Variants in ABCC1 observed in about 807,000 individuals in gnomAD.
ABCC1 encodes multidrug resistance-associated protein 1.
ABCC1 carries 83 observed loss-of-function variants against 172.9 expected under a neutral mutation model. The observed-to-expected ratio is 0.48, with a 90% CI of 0.40 to 0.58. The LOEUF (loss-of-function observed/expected upper bound fraction) is 0.58. ABCC1 is among the 20% of genes least tolerant of loss of function. The pLI is 0.00. For missense variants in ABCC1, 1,817 were observed against 2,002.7 expected (o/e 0.91, Z 1.77); for synonymous variants, 937 against 825.2 (o/e 1.14, Z -2.32).
At chr16:16,136,370 T>G in intron 28 of ABCC1, 108 bp from the exon 29 acceptor site, 1 of 1,241,086 alleles carries the variant, frequency 8.1e-7, no homozygotes, top group Non-Finnish European at 1.1e-6. Context: ...TCCAAGGAGC[T>G]CTGATACCCC....
intron 1 of ABCC1, among the ~76,000 whole-genome samples, chr16:16,000,956 G>A (rs2047286934): frequency 2.0e-5 from 3 of 152,204 alleles, no homozygotes; most frequent in Non-Finnish European, 2.9e-5. Flanking sequence ...CTAGCAAGAG[G>A]TGACTGAAGA....
chr16:15,950,076 A>T (rs1264863738), intron 1 of ABCC1, among the ~76,000 whole-genome samples: 1 of 151,280 alleles, frequency 6.6e-6, no homozygotes, highest in Non-Finnish European at 1.5e-5. Context: ...CGCCGTGAGG[A>T]GGCCTTCCTG....
chr16:16,024,297 C>CAGGG (rs59332154), intron 5 of ABCC1, among the ~76,000 whole-genome samples: 129,471 of 151,678 alleles, frequency 0.85, 55,674 homozygotes, highest in Non-Finnish European at 0.9. Context: ...AGGCAAGAGT[C>CAGGG]AGCATCAGAG....
chr16:15,997,436 A>G (rs2047096057), intron 1 of ABCC1, among the ~76,000 whole-genome samples: 1 of 152,094 alleles, frequency 6.6e-6, no homozygotes, highest in East Asian at 1.9e-4. Flanking sequence ...AGGTTCCCCA[A>G]AGGGCAGGCC....
chr16:15,962,599 G>A (rs1244593069), intron 1 of ABCC1, among the ~76,000 whole-genome samples: 1 of 152,158 alleles, frequency 6.6e-6, no homozygotes, highest in Admixed American at 6.6e-5. Context: ...AAATGATGGT[G>A]GAAAGGAAAG....
At chr16:16,106,095 T>A (rs2152071310) in intron 20 of ABCC1, among the ~76,000 whole-genome samples, 1 of 152,174 alleles carries the variant, frequency 6.6e-6, no homozygotes, top group Admixed American at 6.5e-5. Context: ...CAGGCTAGTC[T>A]TGAACTCCTG....
chr16:16,045,793 C>T (rs369756453), intron 8 of ABCC1, 43 bp from the exon 9 acceptor site: 9 of 1,595,644 alleles, frequency 5.6e-6, no homozygotes, highest in Non-Finnish European at 6.0e-6. Flanking sequence ...CCTGCCCCCA[C>T]GTGTCACAAG....
At chr16:15,960,737 G>A (rs1345795927) in intron 1 of ABCC1, among the ~76,000 whole-genome samples, 4 of 152,128 alleles carry the variant, frequency 2.6e-5, no homozygotes, top group Non-Finnish European at 4.4e-5. Context: ...GTCCCAGAGT[G>A]GGAAGAGAAT....
Position 16,086,672 on chromosome 16 carries a change from T to G in ABCC1, c.2293-152T>G, listed in dbSNP as rs561448333. 9.6e-5 allele frequency: 73 copies of G among 756,718 alleles called. 2 individuals are homozygous for G. The South Asian group carries it at 1.3e-3, about 14-fold the overall frequency. The allele number at this position is 756,718 out of a possible 1,614,324, so 46.9% of individuals were successfully genotyped here. A position where few individuals can be genotyped will look rare whatever the true frequency, so the allele number is the denominator to read the frequency against. On this transcript the variant is annotated intron_variant, in intron 17 of 30. Coordinates refer to ENST00000399410, the MANE Select transcript of ABCC1 (RefSeq NM_004996.4). ...TTTGTAGAGACAGGGTCTCCCTATA[T>G]TGCTCAGGCTGGTCTCAAACCCCTG... is the stretch of plus-strand genomic sequence containing the variant.
At chr16:16,073,036 A>G (rs2151963568) in intron 14 of ABCC1, among the ~76,000 whole-genome samples, 1 of 17,946 alleles carries the variant, frequency 5.6e-5, no homozygotes, top group Non-Finnish European at 1.2e-4. Context: ...GTGAGACTTC[A>G]TCTCAAAAAA....
Position 16,044,675 on chromosome 16 carries a change from C to T in ABCC1, c.1035C>T (p.Ile345=). 1 of 1,613,974 alleles carries T rather than the reference C, an allele frequency of 6.2e-7. No individual in the cohort carries two copies. Among genetic ancestry groups the T allele is most frequent in the Non-Finnish European group, 8.5e-7 (1 of 1,179,824 alleles). Residue 345 remains isoleucine, a synonymous_variant, in exon 8 of 31, where the codon ATC becomes ATT. Coordinates refer to ENST00000399410, the MANE Select transcript of ABCC1 (RefSeq NM_004996.4). The part of the protein sequence containing the change: ...HDLMMFSGPQ[I]LKLLIKFVND... ...TGATGATGTTTTCCGGGCCGCAGAT[C>T]TTAAAGTAAGACCCCTTCCCTCCCA...
chr16:16,132,405 C>T (rs754552581), intron 27 of ABCC1, among the ~76,000 whole-genome samples: 3 of 151,222 alleles, frequency 2.0e-5, no homozygotes, highest in Non-Finnish European at 2.9e-5. Flanking sequence ...AACTCTTGAG[C>T]TCAACCGGTC....
At chr16:16,102,934 C>T (rs45585942) in intron 20 of ABCC1, among the ~76,000 whole-genome samples, 3,781 of 152,280 alleles carry the variant, frequency 0.025, 173 homozygotes, top group African/African-American at 0.087. Context: ...TCACACAGGC[C>T]TCATGATTTA....
rs561702719 is a variant in ABCC1, at chr16:15,954,852, A to G, written c.48+5053A>G. Among the ~76,000 whole-genome samples the G allele has an allele frequency of 2.0e-5, 3 of 152,248 alleles. No homozygotes were observed. The South Asian group carries it at 6.2e-4, about 32-fold the overall frequency. On this transcript the variant is annotated intron_variant, in intron 1 of 30. Coordinates refer to ENST00000399410, the MANE Select transcript of ABCC1 (RefSeq NM_004996.4). Reference sequence around the variant, plus strand: ...ACAACTTTTAGGAACTGATCTCTCTATGTGGGTGTCTCCCACTGACCATGT... The same window carrying G: ...ACAACTTTTAGGAACTGATCTCTCTGTGTGGGTGTCTCCCACTGACCATGT...
Position 16,106,735 on chromosome 16 carries a change from C to T in ABCC1, c.2736-3C>T. The T allele has an allele frequency of 6.2e-7, 1 of 1,613,972 alleles. No homozygotes were observed. Among genetic ancestry groups the T allele is most frequent in the Non-Finnish European group, 8.5e-7 (1 of 1,180,034 alleles). On this transcript the variant is annotated splice_polypyrimidine_tract_variant and splice_region_variant and intron_variant, in intron 20 of 30. Coordinates refer to ENST00000399410, the MANE Select transcript of ABCC1 (RefSeq NM_004996.4). The stretch of plus-strand genomic sequence containing the variant: ...TTGACACCCTTGTGCTTTGCTTCTC[C>T]AGACAGCTCAGCAGCTCCTCCTCCT...
intron 28 of ABCC1, among the ~76,000 whole-genome samples, chr16:16,135,202 A>T (rs928549240): frequency 6.6e-6 from 1 of 152,176 alleles, no homozygotes; most frequent in African/African-American, 2.4e-5. Context: ...GTGCACCTGC[A>T]GGCTTGTTAC....
intron 1 of ABCC1, among the ~76,000 whole-genome samples, chr16:15,983,283 GGGTC>G (rs1049466985): frequency 6.6e-6 from 1 of 152,134 alleles, no homozygotes; most frequent in African/African-American, 2.4e-5. Context: ...AGTCATGAAG[GGGTC>G]CCTGGAACAG....
At chr16:16,025,410 G>A (rs911676734) in intron 5 of ABCC1, among the ~76,000 whole-genome samples, 4 of 152,144 alleles carry the variant, frequency 2.6e-5, no homozygotes, top group African/African-American at 9.7e-5. Flanking sequence ...GGTGGGGCCC[G>A]AGCATCTGCG....
chr16:16,127,878 G>A (rs1329038953), intron 26 of ABCC1, among the ~76,000 whole-genome samples: 1 of 150,374 alleles, frequency 6.7e-6, no homozygotes, highest in African/African-American at 2.5e-5. Flanking sequence ...CTTCCAACTT[G>A]ACACTGAATT....
Sources: allele counts gnomAD v4.1 joint callset (sites outside exome capture counted in the v4.1 genomes callset), GRCh38; gene constraint gnomAD v4.1.1; transcripts MANE v1.5; gene names NCBI Gene and HGNC (gene_info 2026-07-23, HGNC 2026-07-21).